Variants in HTR1E observed in about 807,000 individuals in gnomAD.
The protein encoded by HTR1E is 5-HT-1E.
Under a neutral mutation model 3.4 loss-of-function variants are expected in HTR1E, and 3 were observed. The observed-to-expected ratio is 0.89, with a 90% CI of 0.41 to 2.31. The LOEUF (loss-of-function observed/expected upper bound fraction) is 2.31, where lower values mean the gene tolerates loss of function less well. Among genes scored for constraint, HTR1E ranks in the 30% most tolerant of loss-of-function variants. HTR1E has a pLI of 0.05. For missense variants in HTR1E, 392 were observed against 467.0 expected, an observed-to-expected ratio of 0.84 and a Z score of 1.48; for synonymous variants, 170 against 182.8, an observed-to-expected ratio of 0.93 and a Z score of 0.56.
chr6:86,989,398 TA>T (rs972329356), intron 1 of HTR1E, among the ~76,000 whole-genome samples: 4 of 151,934 alleles, frequency 2.6e-5, no homozygotes, highest in Non-Finnish European at 5.9e-5. Flanking sequence ...AAAATCATGA[TA>T]AAAAAAATGA....
chr6:87,015,676 T>C lies in HTR1E; in HGVS notation c.342T>C (p.Cys114=), dbSNP rs773976248. The change falls in exon 2 of 2, where the codon TGT becomes TGC. Residue 114 remains cysteine (C), a synonymous_variant. Coordinates refer to ENST00000305344, the MANE Select transcript of HTR1E (RefSeq NM_000865.3). The part of the protein sequence containing the change: ...TCCTCSILHL[C]VIALDRYWAI... Reference sequence around the variant, plus strand: ...GCACCTGCTCCATCCTCCACCTCTGTGTCATTGCCCTGGACAGGTACTGGG... The same window carrying C: ...GCACCTGCTCCATCCTCCACCTCTGCGTCATTGCCCTGGACAGGTACTGGG... 1.1e-5 allele frequency: 17 copies of C among 1,614,156 alleles called. No individual in the cohort carries two copies. The African/African-American group carries it at 2.1e-4, about 20-fold the overall frequency.
At chr6:86,986,142 A>G (rs913536965) in intron 1 of HTR1E, among the ~76,000 whole-genome samples, 12 of 152,216 alleles carry the variant, frequency 7.9e-5, no homozygotes, top group African/African-American at 2.2e-4. Context: ...TGGCAAAACT[A>G]TTAGTTCAAA....
intron 1 of HTR1E, among the ~76,000 whole-genome samples, chr6:86,959,871 G>A (rs1288631211): frequency 6.6e-6 from 1 of 152,126 alleles, no homozygotes; most frequent in Non-Finnish European, 1.5e-5. Flanking sequence ...AAAGCTGCAG[G>A]CAAAGATAAG....
intron 1 of HTR1E, among the ~76,000 whole-genome samples, chr6:86,942,625 A>T (rs1057075844): frequency 6.6e-6 from 1 of 152,372 alleles, no homozygotes; most frequent in East Asian, 1.9e-4. Flanking sequence ...AGGATTAAAT[A>T]TGTAACTTAA....
intron 1 of HTR1E, among the ~76,000 whole-genome samples, chr6:86,995,883 A>G (rs940411235): frequency 1.3e-5 from 2 of 151,994 alleles, no homozygotes; most frequent in African/African-American, 4.8e-5. Context: ...CAGAAAGAGA[A>G]TGACATTACA....
At chr6:86,972,246 TTC>T (rs1196706293) in intron 1 of HTR1E, among the ~76,000 whole-genome samples, 1 of 152,204 alleles carries the variant, frequency 6.6e-6, no homozygotes, top group African/African-American at 2.4e-5. Flanking sequence ...GCTGCTTAAA[TTC>T]TGTCAGTAAA....
At chr6:86,949,435 G>A (rs1767189519) in intron 1 of HTR1E, among the ~76,000 whole-genome samples, 1 of 152,196 alleles carries the variant, frequency 6.6e-6, no homozygotes, top group Non-Finnish European at 1.5e-5. Context: ...CACTCATGCA[G>A]AGATTTAGCA....
At chr6:86,993,744 T>C (rs1011214982) in intron 1 of HTR1E, among the ~76,000 whole-genome samples, 12 of 151,692 alleles carry the variant, frequency 7.9e-5, no homozygotes, top group Non-Finnish European at 1.6e-4. Flanking sequence ...CATAATATAA[T>C]ACCCAAAATG....
chr6:86,969,459 C>G (rs1767518062), intron 1 of HTR1E, among the ~76,000 whole-genome samples: 1 of 152,160 alleles, frequency 6.6e-6, no homozygotes. Context: ...CCTCTCTAGC[C>G]CAGCGTAGAT....
At chr6:86,964,336 C>T (rs1767445415) in intron 1 of HTR1E, among the ~76,000 whole-genome samples, 1 of 152,148 alleles carries the variant, frequency 6.6e-6, no homozygotes, top group Non-Finnish European at 1.5e-5. Flanking sequence ...GTACTAAGTG[C>T]ATGAATATGT....
At chr6:87,003,400 A>G (rs1037409110) in intron 1 of HTR1E, among the ~76,000 whole-genome samples, 1 of 152,106 alleles carries the variant, frequency 6.6e-6, no homozygotes, top group Non-Finnish European at 1.5e-5. Context: ...TTAGCTGGCC[A>G]TGGTAGCATG....
chr6:86,938,339 C>A (rs1051270598), intron 1 of HTR1E, among the ~76,000 whole-genome samples: 1 of 152,090 alleles, frequency 6.6e-6, no homozygotes, highest in Non-Finnish European at 1.5e-5. Flanking sequence ...AACAAAATGC[C>A]CAGGTGTGGA....
In HTR1E at chr6:87,015,060, TAAAG is replaced by T. The variant is rs1768296746; in HGVS notation, c.-185-87_-185-84del. On this transcript the variant is annotated intron_variant, in intron 1 of 1. Transcript: ENST00000305344. ...ACAGGAAAGAGAAAATTAAAATTTATAAAGAATTTATAAATATCAAACTATTTTC... is the reference window on the plus strand; with the variant it reads ...ACAGGAAAGAGAAAATTAAAATTTATAATTTATAAATATCAAACTATTTTC... 3 of 244,310 alleles carry T rather than the reference TAAAG, an allele frequency of 1.2e-5. No individual in the cohort carries two copies. In the East Asian group the frequency reaches 2.3e-4, roughly 19 times the overall value. The allele number at this position is 244,310 out of a possible 1,614,324, so 15.1% of individuals were successfully genotyped here.
At chr6:87,009,827 G>A (rs866380778) in intron 1 of HTR1E, among the ~76,000 whole-genome samples, 1 of 123,696 alleles carries the variant, frequency 8.1e-6, no homozygotes, top group Admixed American at 7.7e-5. Context: ...TGGCCGGGCG[G>A]GGGGACTGAC....
chr6:86,938,915 T>C (rs1768508236), intron 1 of HTR1E, among the ~76,000 whole-genome samples: 1 of 152,250 alleles, frequency 6.6e-6, no homozygotes, highest in Admixed American at 6.5e-5. Flanking sequence ...AGACACAATA[T>C]GCATAACCTT....
intron 1 of HTR1E, among the ~76,000 whole-genome samples, chr6:86,979,790 G>C (rs1260139121): frequency 1.3e-5 from 2 of 152,142 alleles, no homozygotes; most frequent in African/African-American, 4.8e-5. Context: ...GGAAGCCACA[G>C]GGATGGTGAA....
At chr6:87,012,019 A>G (rs1192213973) in intron 1 of HTR1E, among the ~76,000 whole-genome samples, 6 of 152,174 alleles carry the variant, frequency 3.9e-5, no homozygotes, top group African/African-American at 1.2e-4. Context: ...AAAGGGATAC[A>G]TGCATGGTGT....
intron 1 of HTR1E, among the ~76,000 whole-genome samples, chr6:87,009,253 G>A (rs1208804123): frequency 6.7e-6 from 1 of 149,122 alleles, no homozygotes; most frequent in Non-Finnish European, 1.5e-5. Flanking sequence ...ATTAGGGATT[G>A]GTGATGACTC....
chr6:87,016,294 C>G lies in HTR1E; in HGVS notation c.960C>G (p.Thr320=). 1 of 1,614,168 alleles carries G rather than the reference C, an allele frequency of 6.2e-7. No individual in the cohort carries two copies. The highest frequency in any genetic ancestry group is 1.3e-5 in the African/African-American group (1 of 75,032). ...KELIVGLSIY[T]VSSEVADFLT... is the part of the protein sequence containing the mutation. Reference sequence around the variant, plus strand: ...TGATTGTGGGTCTGAGCATCTACACCGTGTCCTCGGAAGTGGCCGACTTTC... The same window carrying G: ...TGATTGTGGGTCTGAGCATCTACACGGTGTCCTCGGAAGTGGCCGACTTTC... Residue 320 remains threonine (T), a synonymous_variant, in exon 2 of 2, where the codon ACC becomes ACG. Coordinates refer to ENST00000305344, the MANE Select transcript of HTR1E (RefSeq NM_000865.3).
Sources: allele counts gnomAD v4.1 joint callset (sites outside exome capture counted in the v4.1 genomes callset), GRCh38; gene constraint gnomAD v4.1.1; transcripts MANE v1.5; gene names NCBI Gene and HGNC (gene_info 2026-07-23, HGNC 2026-07-21).